LPA: variants seen among roughly 807,000 people sequenced by gnomAD.
LPA encodes apolipoprotein(a).
LPA carries 199 observed loss-of-function variants against 197.9 expected under a neutral mutation model. The ratio of observed to expected loss-of-function variants is 1.01; its 90% confidence interval spans 0.90 to 1.13. LPA has a LOEUF of 1.13. Ranked by LOEUF, LPA falls within the 50% of genes most tolerant of loss-of-function variation. The pLI is 0.00. For missense variants in LPA, 1,853 were observed against 1,785.8 expected (o/e 1.04, Z -0.68); for synonymous variants, 715 against 639.5 (o/e 1.12, Z -1.78).
chr6:160,594,012 C>G lies in LPA; in HGVS notation c.3575G>C (p.Trp1192Ser). The stretch of plus-strand genomic sequence containing the variant: ...ATGCCAGTGTGGTGTCATAGAGGAC[C>G]AAGACTGACATGTCCTTCCTGTGAC... Reference protein sequence around the residue: ...TTVTGRTCQSWSSMTPHWHQR... With the variant: ...TTVTGRTCQSSSSMTPHWHQR... Residue 1192 changes from tryptophan to serine, a missense_variant, in exon 22 of 39, where the codon TGG (tryptophan) becomes TCG (serine). Trp to Ser is a radical substitution (Grantham distance 177, BLOSUM62 -3). Transcript: ENST00000316300. 1.9e-6 allele frequency: 3 copies of G among 1,613,922 alleles called. No homozygotes were observed. The South Asian group carries it at 3.3e-5, about 18-fold the overall frequency.
intron 19 of LPA, among the ~76,000 whole-genome samples, chr6:160,600,255 G>A (rs1415208267): frequency 6.6e-6 from 1 of 152,096 alleles, no homozygotes; most frequent in African/African-American, 2.4e-5. Context: ...CTCGTGCCCA[G>A]CATAATGCAT....
chr6:160,536,798 G>C lies in LPA; in HGVS notation c.5842+1057C>G, dbSNP rs151216750. Among the ~76,000 whole-genome samples, 74 of 152,310 alleles carry C rather than the reference G, an allele frequency of 4.9e-4. No individual in the cohort carries two copies. In the East Asian group the frequency reaches 7.7e-3, roughly 16 times the overall value. ...AAAGGGAACAAGGAGTCAAGGAGGT[G>C]AGGTTTTAAAAATAATAGGAAAATG... On this transcript the variant is annotated intron_variant, in intron 37 of 38. Transcript: ENST00000316300.
intron 30 of LPA, among the ~76,000 whole-genome samples, chr6:160,553,937 C>CTGTGTGTGTGTGTGTGTGTGTGTGTG (rs59853609): frequency 3.2e-4 from 44 of 139,064 alleles, no homozygotes; most frequent in Non-Finnish European, 3.1e-4. Flanking sequence ...CTCTCTCTCT[C>CTGTGTGTGTGTGTGTGTGTGTGTGTG]TGTGTGTGTG....
intron 28 of LPA, among the ~76,000 whole-genome samples, chr6:160,571,708 T>C (rs1427834148): frequency 6.6e-6 from 1 of 152,184 alleles, no homozygotes; most frequent in African/African-American, 2.4e-5. Context: ...CCCCAGTATT[T>C]GTGGATACCC....
chr6:160,576,394 A>ATACATATATATATATATATGTG (rs1778672608), intron 28 of LPA, among the ~76,000 whole-genome samples: 2 of 53,748 alleles, frequency 3.7e-5, no homozygotes, highest in African/African-American at 8.2e-5. Flanking sequence ...ATATATGTAT[A>ATACATATATATATATATATGTG]TATATATATA....
intron 20 of LPA, 40 bp downstream of exon 20, chr6:160,599,460 T>C: frequency 1.9e-6 from 3 of 1,611,392 alleles, no homozygotes; most frequent in East Asian, 2.2e-5. Flanking sequence ...GAAACTTCCA[T>C]TGGCCCTTCC....
chr6:160,634,824 C>A (rs945733621), intron 7 of LPA, among the ~76,000 whole-genome samples: 10 of 150,112 alleles, frequency 6.7e-5, no homozygotes, highest in Non-Finnish European at 1.3e-4. Flanking sequence ...CCTGACAGCA[C>A]GTTACAATAA....
rs758300066 is a variant in LPA at position 160,594,098 on chromosome 6, G to A, written c.3489C>T (p.Pro1163=). ...SSEEAPTEQS[P]GVQDCYHGDG... ...CACCATGGTAGCAATCCTGGACCCC[G>A]GGGCTTTGCTCCGTTGGTGCTGAAA... Residue 1163 remains proline, a synonymous_variant, in exon 22 of 39, where the codon CCC becomes CCT. Coordinates refer to ENST00000316300, the MANE Select transcript of LPA (RefSeq NM_005577.4). 2.4e-5 allele frequency: 38 copies of A among 1,613,724 alleles called. No individual in the cohort carries two copies. Among genetic ancestry groups the A allele is most frequent in the Middle Eastern group, 1.6e-4 (1 of 6,080 alleles).
chr6:160,565,418 G>T (rs1778434520), intron 28 of LPA, among the ~76,000 whole-genome samples: 1 of 152,182 alleles, frequency 6.6e-6, no homozygotes, highest in Non-Finnish European at 1.5e-5. Flanking sequence ...ACAGGGACTG[G>T]AGTGGACCTC....
At chr6:160,575,569 T>G (rs1778640084) in intron 28 of LPA, among the ~76,000 whole-genome samples, 1 of 152,218 alleles carries the variant, frequency 6.6e-6, no homozygotes, top group Non-Finnish European at 1.5e-5. Flanking sequence ...CTTTTCAATT[T>G]TGCTAGGATT....
Position 160,611,721 on chromosome 6 carries a change from G to A in LPA, c.2444C>T (p.Ala815Val). 1 of 1,500,450 alleles carries A rather than the reference G, an allele frequency of 6.7e-7. No individual in the cohort carries two copies. Among genetic ancestry groups the A allele is most frequent in the Non-Finnish European group, 9.1e-7 (1 of 1,099,856 alleles). 92.9% of individuals were successfully genotyped at this position (1,500,450 alleles called of 1,614,324 possible). ...CACCCCAGGCCTCTGCTCAGTCGGT[G>A]CTGAAATGAAAACACAAGAAATAAA... ...VPSLEAPSEQ[A>V]PTEQRPGVQE... The change falls in exon 16 of 39, where the codon GCA (alanine) becomes GTA (valine). Residue 815 changes from alanine (A) to valine (V), a missense_variant and splice_region_variant. Coordinates refer to ENST00000316300, the MANE Select transcript of LPA (RefSeq NM_005577.4).
At chr6:160,552,919 C>T (rs903735628) in intron 30 of LPA, among the ~76,000 whole-genome samples, 1 of 152,102 alleles carries the variant, frequency 6.6e-6, no homozygotes, top group African/African-American at 2.4e-5. Flanking sequence ...CTTTATTCCT[C>T]TTTTTCTTCC....
At chr6:160,599,855 G>C (rs1372986748) in intron 19 of LPA, among the ~76,000 whole-genome samples, 196 bp from the exon 20 acceptor site, 1 of 152,152 alleles carries the variant, frequency 6.6e-6, no homozygotes, top group African/African-American at 2.4e-5. Flanking sequence ...TAGAACTGTA[G>C]TAAGTTCTTA....
At chr6:160,570,999 G>C (rs1302693434) in intron 28 of LPA, among the ~76,000 whole-genome samples, 1 of 152,238 alleles carries the variant, frequency 6.6e-6, no homozygotes, top group Non-Finnish European at 1.5e-5. Context: ...ATCACTTTCA[G>C]GTACACCAAT....
intron 22 of LPA, among the ~76,000 whole-genome samples, chr6:160,592,368 TCA>T (rs147629051): frequency 0.014 from 2,102 of 152,356 alleles, 20 homozygotes; most frequent in Middle Eastern, 0.024. Context: ...ATAACTTTTC[TCA>T]GTTTTTAAAT....
chr6:160,546,414 C>T (rs1272084058), intron 32 of LPA, among the ~76,000 whole-genome samples: 1 of 152,216 alleles, frequency 6.6e-6, no homozygotes, highest in Admixed American at 6.5e-5. Context: ...TTGCCCTGTG[C>T]ATCTCTTCCA....
intron 18 of LPA, among the ~76,000 whole-genome samples, chr6:160,602,799 T>C (rs552445132): frequency 6.6e-6 from 1 of 152,340 alleles, no homozygotes; most frequent in East Asian, 1.9e-4. Context: ...CTCTTTTTTT[T>C]CTAGTTTATC....
At chr6:160,588,687 AAC>A (rs1778964149) in intron 24 of LPA, among the ~76,000 whole-genome samples, 1 of 152,240 alleles carries the variant, frequency 6.6e-6, no homozygotes, top group South Asian at 2.1e-4. Flanking sequence ...GCCAGCCTAG[AAC>A]ACATCAGCTG....
chr6:160,588,093 TA>T (rs137875438), intron 24 of LPA, among the ~76,000 whole-genome samples: 1,646 of 152,254 alleles, frequency 0.011, 31 homozygotes, highest in African/African-American at 0.038. Context: ...TCATCAATTC[TA>T]TAATTTCTGG....
Sources: allele counts gnomAD v4.1 joint callset (sites outside exome capture counted in the v4.1 genomes callset), GRCh38; gene constraint gnomAD v4.1.1; transcripts MANE v1.5; gene names NCBI Gene and HGNC (gene_info 2026-07-23, HGNC 2026-07-21).